The following ATF6B variants were observed in gnomAD, a reference collection of about 807,000 sequenced individuals.
The protein encoded by ATF6B is cyclic AMP-dependent transcription factor ATF-6 beta.
Under a neutral mutation model 83.5 loss-of-function variants are expected in ATF6B, and 50 were observed. That is an observed-to-expected ratio of 0.60 (90% CI 0.48 to 0.76). The LOEUF is 0.76. ATF6B is among the 30% of genes least tolerant of loss of function. The pLI, the probability that ATF6B is intolerant of heterozygous loss-of-function variation, is 0.00. For synonymous variants in ATF6B, 344 were observed against 362.8 expected (o/e 0.95, Z 0.59); for missense variants, 790 against 893.8 (o/e 0.88, Z 1.48).
chr6:32,117,020 C>T lies in ATF6B; in HGVS notation c.1685+17G>A, dbSNP rs1428607211. 1 of 1,612,494 alleles carries T rather than the reference C, an allele frequency of 6.2e-7. No individual in the cohort carries two copies. Among genetic ancestry groups the T allele is most frequent in the Non-Finnish European group, 8.5e-7 (1 of 1,178,948 alleles). ...TGGAATTTCACTTAATAAGTAAGCACCCCACCCCACACTCACCTTTCTGGG... is the reference window on the plus strand; with the variant it reads ...TGGAATTTCACTTAATAAGTAAGCATCCCACCCCACACTCACCTTTCTGGG... On this transcript the variant is annotated intron_variant, in intron 15 of 17. Transcript: ENST00000375203. The surrounding 1 kb of genome is among the most constrained non-coding windows in gnomAD (Gnocchi z 5.0).
chr6:32,126,432 A>G (rs1781984010), intron 4 of ATF6B, among the ~76,000 whole-genome samples, 180 bp from the exon 5 acceptor site: 1 of 152,190 alleles, frequency 6.6e-6, no homozygotes, highest in South Asian at 2.1e-4. Context: ...TTTCTACTTT[A>G]TTTCTGGGAG....
chr6:32,118,916 C>T lies in ATF6B; in HGVS notation c.1152+40G>A. 1 of 1,614,096 alleles carries T rather than the reference C, an allele frequency of 6.2e-7. No individual in the cohort carries two copies. The highest frequency in any genetic ancestry group is 2.2e-5 in the East Asian group (1 of 44,884). On this transcript the variant is annotated intron_variant, in intron 10 of 17. Transcript: ENST00000375203. The surrounding 1 kb of genome is among the most constrained non-coding windows in gnomAD (Gnocchi z 5.2). ...AAAAAGGGGAATCATTCCAAGGAGG[C>T]TGTATTCCTGTTGGTCTCCCAGGGA...
rs763522177 is a variant in ATF6B, at chr6:32,117,976, C to T, written c.1307G>A (p.Arg436Gln). Residue 436 changes from arginine to glutamine, a missense_variant, in exon 12 of 18, where the codon CGG becomes CAG. Arg to Gln is a conservative substitution (Grantham distance 43). Coordinates refer to ENST00000375203, the MANE Select transcript of ATF6B (RefSeq NM_004381.5). This position sits in a 1 kb window ranked among gnomAD's most constrained non-coding sequence, Gnocchi z 5.0. ...PRMNKGEPQPRRHLLGFSEQE... is the reference protein window; with the variant it reads ...PRMNKGEPQPQRHLLGFSEQE... Reference sequence around the variant, plus strand: ...CTCTGAGAACCCCAGCAAGTGTCTCCGGGGTTGAGGCTCCCCCTTGTTCAT... The same window carrying T: ...CTCTGAGAACCCCAGCAAGTGTCTCTGGGGTTGAGGCTCCCCCTTGTTCAT... 3.0e-5 allele frequency: 49 copies of T among 1,613,816 alleles called. No individual in the cohort carries two copies. Among genetic ancestry groups the T allele is most frequent in the Non-Finnish European group, 3.5e-5 (41 of 1,179,952 alleles).
Position 32,116,988 on chromosome 6 carries a change from T to C in ATF6B, c.1685+49A>G, listed in dbSNP as rs1781555409. ...AGGACAGCTACTGGGGGTACAGCTC[T>C]TGAAAGTGGAATTTCACTTAATAAG... is the stretch of plus-strand genomic sequence containing the variant. On this transcript the variant is annotated intron_variant, in intron 15 of 17. Coordinates refer to ENST00000375203, the MANE Select transcript of ATF6B (RefSeq NM_004381.5). This position sits in a 1 kb window ranked among gnomAD's most constrained non-coding sequence, Gnocchi z 5.1. 2 of 1,593,598 alleles carry C rather than the reference T, an allele frequency of 1.3e-6. No homozygotes were observed. Among genetic ancestry groups the C allele is most frequent in the Non-Finnish European group, 1.7e-6 (2 of 1,162,252 alleles).
In ATF6B at chr6:32,124,821, C is replaced by T. The variant is rs557272915; in HGVS notation, c.478+1296G>A. On this transcript the variant is annotated intron_variant, in intron 5 of 17. Coordinates refer to ENST00000375203, the MANE Select transcript of ATF6B (RefSeq NM_004381.5). ...CGCCAATGTGGATGAAATGTCCCCT[C>T]TTATGAGCTTTCATGGTACCCTCTA... Among the ~76,000 whole-genome samples, 229 of 152,136 alleles carry T rather than the reference C, an allele frequency of 1.5e-3. 1 individual carries two copies. The highest frequency in any genetic ancestry group is 5.1e-3 in the African/African-American group (213 of 41,522).
chr6:32,127,313 G>C lies in ATF6B; in HGVS notation c.251-119C>G, dbSNP rs866293044. 1.3e-5 allele frequency: 18 copies of C among 1,348,332 alleles called. No individual in the cohort carries two copies. In the Middle Eastern group the frequency reaches 3.4e-3, roughly 251 times the overall value. The allele number at this position is 1,348,332 out of a possible 1,614,324, so 83.5% of individuals were successfully genotyped here. The stretch of plus-strand genomic sequence containing the variant: ...CAGCAAGGGAGAAGAAACAAAAATA[G>C]GGGATTGAAGGAGAGAGGATAGGCA... On this transcript the variant is annotated intron_variant, in intron 3 of 17. Transcript: ENST00000375203.
chr6:32,118,634 GC>G lies in ATF6B; in HGVS notation c.1244+140del, dbSNP rs1781627018. 1.5e-5 allele frequency: 12 copies of G among 792,186 alleles called. No homozygotes were observed. In the East Asian group the frequency reaches 2.9e-4, roughly 19 times the overall value. The allele number at this position is 792,186 out of a possible 1,614,324, so 49.1% of individuals were successfully genotyped here. On this transcript the variant is annotated intron_variant, in intron 11 of 17. Transcript: ENST00000375203. This position sits in a 1 kb window ranked among gnomAD's most constrained non-coding sequence, Gnocchi z 5.2. ...CAAATAATGGAGCAGGAAGGGGCTG[GC>G]CAGACACATCATCGGTGCCAAGGAC...
At position 32,127,102 on chromosome 6, in the gene ATF6B, C is replaced by T. The variant is rs1782010835; in HGVS notation, c.342+1G>A. ...GAGTAAGAGGGATATGGCTCTCTCA[C>T]CTCGCTGGATGGCTCTGTGGAGAGA... On this transcript the variant is annotated splice_donor_variant, in intron 4 of 17. Transcript: ENST00000375203. LOFTEE classifies it high-confidence loss of function. 10 of 1,590,628 alleles carry T rather than the reference C, an allele frequency of 6.3e-6. No homozygotes were observed. Among genetic ancestry groups the T allele is most frequent in the Non-Finnish European group, 8.6e-6 (10 of 1,168,330 alleles).
At chr6:32,120,139 C>A (rs1304486600) in intron 8 of ATF6B, 182 bp from the exon 9 acceptor site, 2 of 721,500 alleles carry the variant, frequency 2.8e-6, no homozygotes, top group Non-Finnish European at 4.1e-6. Flanking sequence ...GCTCTGTCGA[C>A]CAGGCTGGAG....
At chr6:32,127,077 G>C (rs1782009711) in intron 4 of ATF6B, 26 bp downstream of exon 4, 6 of 1,532,596 alleles carry the variant, frequency 3.9e-6, no homozygotes, top group East Asian at 4.6e-5. Flanking sequence ...CCGTCACAGA[G>C]AGTAAGAGGG....
chr6:32,117,943 GGCTCTT>G lies in ATF6B; in HGVS notation c.1334_1339del (p.Gln445_Glu446del), dbSNP rs755130318. The G allele has an allele frequency of 6.0e-5, 96 of 1,612,528 alleles. 1 individual carries two copies. Among genetic ancestry groups the G allele is most frequent in the Non-Finnish European group, 7.8e-5 (92 of 1,179,274 alleles). On this transcript the variant is annotated inframe_deletion, in exon 12 of 18. Transcript: ENST00000375203. The surrounding 1 kb of genome is among the most constrained non-coding windows in gnomAD (Gnocchi z 5.0). The stretch of plus-strand genomic sequence containing the variant: ...CTGGAGAGGTTCAACTCCCTGAACT[GGCTCTT>G]GCTCTGAGAACCCCAGCAAGTGTCT...
Position 32,115,706 on chromosome 6 carries a change from C to T in ATF6B, c.*33G>A. ...CCCACCTGGCCACCTGGTACCCCCT[C>T]CCCCCGTTCTAAGTCAGTGTGAATG... On this transcript the variant is annotated 3_prime_UTR_variant, in exon 18 of 18. Transcript: ENST00000375203. 2.0e-6 allele frequency: 3 copies of T among 1,523,068 alleles called. No individual in the cohort carries two copies. The highest frequency in any genetic ancestry group is 4.6e-5 in the East Asian group (2 of 43,818). 94.3% of individuals were successfully genotyped at this position (1,523,068 alleles called of 1,614,324 possible).
rs537291016 is a variant in ATF6B, at chr6:32,116,625, C to A, written c.1798-61G>T. ...GCAAAGATGCCAACAAGCTCCCCAG[C>A]CCTACTCTACATCCCCCCACTGAAG... is the stretch of plus-strand genomic sequence containing the variant. On this transcript the variant is annotated intron_variant, in intron 16 of 17. Transcript: ENST00000375203. The surrounding 1 kb of genome is among the most constrained non-coding windows in gnomAD (Gnocchi z 5.1). 10 of 1,603,208 alleles carry A rather than the reference C, an allele frequency of 6.2e-6. No homozygotes were observed. The highest frequency in any genetic ancestry group is 8.5e-6 in the Non-Finnish European group (10 of 1,171,266).
Position 32,118,815 on chromosome 6 carries a change from C to A in ATF6B, c.1204G>T (p.Val402Phe). Residue 402 changes from valine to phenylalanine, a missense_variant, in exon 11 of 18, where the codon GTC becomes TTC. Physicochemically the swap from Val to Phe is conservative, Grantham distance 50 (BLOSUM62 -1). Around this residue, in one of 3 missense-constraint regions of ATF6B, gnomAD observed 530 missense variants for 632.6 expected, o/e 0.84. Coordinates refer to ENST00000375203, the MANE Select transcript of ATF6B (RefSeq NM_004381.5). This position sits in a 1 kb window ranked among gnomAD's most constrained non-coding sequence, Gnocchi z 5.2. ...TTGAAGGCAATGAAGAGAAGGAAGA[C>A]CATGATGCAGACCACCTTCCTGTTT... ...SGNRKVVCIM[V>F]FLLFIAFNFG... 6.2e-7 allele frequency: 1 copy of A among 1,614,248 alleles called. No individual in the cohort carries two copies. The highest frequency in any genetic ancestry group is 8.5e-7 in the Non-Finnish European group (1 of 1,180,046).
Position 32,119,676 on chromosome 6 carries a change from C to T in ATF6B, c.966+148G>A. Reference sequence around the variant, plus strand: ...ATTCATATAGAAACAGGAGTCCATTCTGACCCTCAGAATGATCTAATGGGT... The same window carrying T: ...ATTCATATAGAAACAGGAGTCCATTTTGACCCTCAGAATGATCTAATGGGT... On this transcript the variant is annotated intron_variant, in intron 9 of 17. Transcript: ENST00000375203. The surrounding 1 kb of genome is among the most constrained non-coding windows in gnomAD (Gnocchi z 4.9). 8.3e-7 allele frequency: 1 copy of T among 1,203,678 alleles called. No individual in the cohort carries two copies. The highest frequency in any genetic ancestry group is 1.5e-5 in the African/African-American group (1 of 65,254). 74.6% of individuals were successfully genotyped at this position (1,203,678 alleles called of 1,614,324 possible).
Position 32,119,081 on chromosome 6 carries a change from G to T in ATF6B, c.1027C>A (p.Arg343=). Residue 343 remains arginine, a synonymous_variant, in exon 10 of 18, where the codon CGG becomes AGG. Transcript: ENST00000375203. This position sits in a 1 kb window ranked among gnomAD's most constrained non-coding sequence, Gnocchi z 4.9. Reference sequence around the variant, plus strand: ...TGCAGATACTCTTTCTTCTTTCTCCGGGACTGGCAGGCTGACTCCCGGTTC... The same window carrying T: ...TGCAGATACTCTTTCTTCTTTCTCCTGGACTGGCAGGCTGACTCCCGGTTC... ...IKNRESACQS[R]RKKKEYLQGL... 6.2e-7 allele frequency: 1 copy of T among 1,613,536 alleles called. No individual in the cohort carries two copies. The highest frequency in any genetic ancestry group is 8.5e-7 in the Non-Finnish European group (1 of 1,179,918).
chr6:32,122,985 C>T lies in ATF6B; in HGVS notation c.479-1637G>A, dbSNP rs572677414. Among the ~76,000 whole-genome samples the T allele has an allele frequency of 1.5e-4, 23 of 151,904 alleles. 1 individual carries two copies. The South Asian group carries it at 3.5e-3, about 23-fold the overall frequency. ...CTGTAATCCCAGCACTTTGGGAGGC[C>T]GACACCCAACGCAGGTGGATTGCTT... On this transcript the variant is annotated intron_variant, in intron 5 of 17. Transcript: ENST00000375203.
rs1357147143 is a variant in ATF6B at position 32,125,110 on chromosome 6, G to A, written c.478+1007C>T. Among the ~76,000 whole-genome samples, 4 of 152,026 alleles carry A rather than the reference G, an allele frequency of 2.6e-5. No individual in the cohort carries two copies. Among genetic ancestry groups the A allele is most frequent in the African/African-American group, 7.2e-5 (3 of 41,396 alleles). ...CCCAAAGTGCTGGGATTACAAGCAT[G>A]AGCCACCACACCCAGCCCCACCTCT... is the stretch of plus-strand genomic sequence containing the variant. On this transcript the variant is annotated intron_variant, in intron 5 of 17. Coordinates refer to ENST00000375203, the MANE Select transcript of ATF6B (RefSeq NM_004381.5). The surrounding 1 kb of genome is among the most constrained non-coding windows in gnomAD (Gnocchi z 4.1).
chr6:32,124,175 C>A (rs967379123), intron 5 of ATF6B, among the ~76,000 whole-genome samples: 3 of 152,110 alleles, frequency 2.0e-5, no homozygotes, highest in Non-Finnish European at 4.4e-5. Flanking sequence ...TGCACTCCAG[C>A]CTGGGCAACA....
Sources: gnomAD v4.1 joint callset for allele counts (sites outside exome capture counted in the v4.1 genomes callset) on GRCh38, gnomAD v4.1.1 for gene constraint, gnomAD v4.1.1 regional missense constraint, Gnocchi (gnomAD v3.1) non-coding constraint, MANE v1.5 for transcripts, NCBI Gene and HGNC (gene_info 2026-07-23, HGNC 2026-07-21) for gene names.